Variants in DCHS2 observed in about 807,000 individuals in gnomAD.
DCHS2 encodes the protein dachsous cadherin-related 2.
DCHS2 carries 142 observed loss-of-function variants against 182.4 expected under a neutral mutation model. That is an observed-to-expected ratio of 0.78 (90% CI 0.68 to 0.89). The LOEUF (loss-of-function observed/expected upper bound fraction) is 0.89, where lower values mean the gene tolerates loss of function less well. Among genes scored for constraint, DCHS2 ranks in the 40% least tolerant of loss-of-function variants. DCHS2 has a pLI of 0.00. For missense variants in DCHS2, 4,319 were observed against 4,198.6 expected, an observed-to-expected ratio of 1.03 and a Z score of -0.79; for synonymous variants, 1,740 against 1,663.3, an observed-to-expected ratio of 1.05 and a Z score of -1.12.
rs1215710116 is a variant in DCHS2 at position 154,434,954 on chromosome 4, G to A, written c.2052+54350C>T. Among the ~76,000 whole-genome samples, 4 of 152,156 alleles carry A rather than the reference G, an allele frequency of 2.6e-5. No homozygotes were observed. In the East Asian group the frequency reaches 5.8e-4, roughly 22 times the overall value. On this transcript the variant is annotated intron_variant, in intron 1 of 19. Coordinates refer to ENST00000357232, the MANE Select transcript of DCHS2 (RefSeq NM_001358235.2). ...GTCACAGACCAGAGGAACCCAGGGA[G>A]ACATGCTGCATAAAGGTAACGTGGT...
intron 16 of DCHS2, among the ~76,000 whole-genome samples, chr4:154,254,278 T>G (rs1440955241): frequency 2.0e-5 from 3 of 152,118 alleles, no homozygotes; most frequent in African/African-American, 7.2e-5. Context: ...ACAAATAAGG[T>G]GAACGGTTTC....
In DCHS2 at chr4:154,320,950, G is replaced by A. The variant is rs770120563; in HGVS notation, c.4449C>T (p.Asp1483=). Reference sequence around the variant, plus strand: ...TACTCAGGGAAAGGTTTTTGCTATGGTCTGTAGTAATCACTCTGAAAAGAT... The same window carrying A: ...TACTCAGGGAAAGGTTTTTGCTATGATCTGTAGTAATCACTCTGAAAAGAT... ...SHYLFRVITT[D]HSKNLSLSST... Residue 1483 remains aspartate (D), a synonymous_variant, in exon 9 of 20, where the codon GAC becomes GAT. Coordinates refer to ENST00000357232, the MANE Select transcript of DCHS2 (RefSeq NM_001358235.2). 6.2e-6 allele frequency: 10 copies of A among 1,613,924 alleles called. No homozygotes were observed. In the African/African-American group the frequency reaches 1.1e-4, roughly 17 times the overall value.
At chr4:154,417,204 T>TGAGTGAGA (rs1732889585) in intron 1 of DCHS2, among the ~76,000 whole-genome samples, 2 of 39,476 alleles carry the variant, frequency 5.1e-5, no homozygotes, top group African/African-American at 1.9e-4. Context: ...TGTGTGTGTG[T>TGAGTGAGA]GAGAGAGAGA....
At chr4:154,242,048 G>A (rs147783885) in intron 17 of DCHS2, among the ~76,000 whole-genome samples, 132 of 152,190 alleles carry the variant, frequency 8.7e-4, no homozygotes, top group East Asian at 7.5e-3. Context: ...TTTCCCCAAC[G>A]CAGCCATTGA....
In DCHS2 at chr4:154,295,783, G is replaced by T. The variant is rs139260964; in HGVS notation, c.6463+2068C>A. On this transcript the variant is annotated intron_variant, in intron 13 of 19. Coordinates refer to ENST00000357232, the MANE Select transcript of DCHS2 (RefSeq NM_001358235.2). ...GAATATGCCCAGTAGAGCCATCACA[G>T]AGGCCGACCCACTCAACTACATTAA... is the stretch of plus-strand genomic sequence containing the variant. 2.5e-3 allele frequency among the ~76,000 whole-genome samples: 385 copies of T among 152,250 alleles called. 2 individuals are homozygous for T. Among genetic ancestry groups the T allele is most frequent in the African/African-American group, 8.8e-3 (364 of 41,562 alleles).
At chr4:154,462,522 T>C (rs1254674804) in intron 1 of DCHS2, among the ~76,000 whole-genome samples, 2 of 152,182 alleles carry the variant, frequency 1.3e-5, no homozygotes, top group Admixed American at 6.6e-5. Flanking sequence ...TCTATGCACA[T>C]GGACAGACAG....
chr4:154,297,790 G>A lies in DCHS2; in HGVS notation c.6463+61C>T, dbSNP rs140871957. 231 of 1,544,622 alleles carry A rather than the reference G, an allele frequency of 1.5e-4. No individual in the cohort carries two copies. In the East Asian group the frequency reaches 2.5e-3, roughly 17 times the overall value. On this transcript the variant is annotated intron_variant, in intron 13 of 19. Transcript: ENST00000357232. ...CAATGGCACTCTTGTAGTATAATCC[G>A]TACTCTTAAGCATTTTGTCAAAACA... is the stretch of plus-strand genomic sequence containing the variant.
chr4:154,401,171 G>T (rs1732162772), intron 1 of DCHS2, among the ~76,000 whole-genome samples: 1 of 152,026 alleles, frequency 6.6e-6, no homozygotes, highest in African/African-American at 2.4e-5. Flanking sequence ...GTGCTTTTTT[G>T]ATTCTTTTTT....
chr4:154,260,343 G>C (rs1732932802), intron 14 of DCHS2, among the ~76,000 whole-genome samples: 3 of 152,084 alleles, frequency 2.0e-5, no homozygotes, highest in Non-Finnish European at 2.9e-5. Context: ...TTACCCCCTG[G>C]CCATGTCTGG....
At chr4:154,389,448 GCTGGT>G (rs72346793) in intron 1 of DCHS2, among the ~76,000 whole-genome samples, 2,508 of 146,914 alleles carry the variant, frequency 0.017, 78 homozygotes, top group South Asian at 0.12. Context: ...CTGGATTTGA[GCTGGT>G]CTCACAGACA....
chr4:154,343,557 T>C (rs1174068050), intron 3 of DCHS2: 1 of 1,529,166 alleles, frequency 6.5e-7, no homozygotes, highest in East Asian at 2.5e-5. Context: ...TTTTAGGTAA[T>C]GGAGATGGCG....
chr4:154,320,427 T>G lies in DCHS2; in HGVS notation c.4972A>C (p.Ile1658Leu), dbSNP rs1403467512. 6.2e-7 allele frequency: 1 copy of G among 1,614,094 alleles called. No homozygotes were observed. Among genetic ancestry groups the G allele is most frequent in the Non-Finnish European group, 8.5e-7 (1 of 1,179,970 alleles). The change falls in exon 9 of 20, where the codon ATC (isoleucine) becomes CTC (leucine). Residue 1658 changes from isoleucine to leucine, a missense_variant. By Grantham distance (5) the Ile-to-Leu change is conservative. Transcript: ENST00000357232. ...EGRNGKVTYS[I>L]LSGNENMTFM... The stretch of plus-strand genomic sequence containing the variant: ...GTCATGTTTTCATTTCCTGAGAGGA[T>G]GCTGTATGTTACTTTTCCATTCCTT...
chr4:154,476,717 G>A (rs1051206573), intron 1 of DCHS2, among the ~76,000 whole-genome samples: 2 of 152,186 alleles, frequency 1.3e-5, no homozygotes, highest in Non-Finnish European at 2.9e-5. Context: ...CTTATAATGA[G>A]CAGGGAAGCA....
chr4:154,287,146 C>T (rs1328929599), intron 13 of DCHS2, among the ~76,000 whole-genome samples: 2 of 152,090 alleles, frequency 1.3e-5, no homozygotes, highest in African/African-American at 4.8e-5. Context: ...AAAGACTTTT[C>T]CATACAAACA....
chr4:154,440,275 T>A (rs911035461), intron 1 of DCHS2, among the ~76,000 whole-genome samples: 9 of 152,314 alleles, frequency 5.9e-5, no homozygotes, highest in Middle Eastern at 3.4e-3. Flanking sequence ...GCTGATGTAC[T>A]AAAAAAGTGT....
intron 1 of DCHS2, among the ~76,000 whole-genome samples, chr4:154,382,054 C>T (rs1731193679): frequency 6.6e-6 from 1 of 152,094 alleles, no homozygotes; most frequent in Admixed American, 6.5e-5. Context: ...GCTACAGTAA[C>T]CAAAACAGCA....
intron 3 of DCHS2, among the ~76,000 whole-genome samples, chr4:154,343,025 ACCT>A (rs1729180753): frequency 6.6e-6 from 1 of 151,974 alleles, no homozygotes; most frequent in South Asian, 2.1e-4. Context: ...TTAAGAAAAA[ACCT>A]CCTTGTATAT....
intron 1 of DCHS2, among the ~76,000 whole-genome samples, chr4:154,415,369 G>C (rs1389761639): frequency 6.6e-6 from 1 of 152,104 alleles, no homozygotes; most frequent in Admixed American, 6.5e-5. Flanking sequence ...TTCCTAACTT[G>C]CTCCAAATTT....
chr4:154,275,798 A>G (rs1039709179), intron 13 of DCHS2, among the ~76,000 whole-genome samples: 1 of 152,204 alleles, frequency 6.6e-6, no homozygotes, highest in African/African-American at 2.4e-5. Context: ...AAAAGAAAAC[A>G]TAGTGACTGC....
Sources: gnomAD v4.1 joint callset for allele counts (sites outside exome capture counted in the v4.1 genomes callset) on GRCh38, gnomAD v4.1.1 for gene constraint, MANE v1.5 for transcripts, NCBI Gene and HGNC (gene_info 2026-07-23, HGNC 2026-07-21) for gene names.